Variants in GNA14 observed in about 807,000 individuals in gnomAD.
GNA14 encodes guanine nucleotide-binding protein subunit alpha-14.
GNA14 carries 50 observed loss-of-function variants against 42.0 expected under a neutral mutation model. The ratio of observed to expected loss-of-function variants is 1.19; its 90% confidence interval spans 0.95 to 1.51. The LOEUF (loss-of-function observed/expected upper bound fraction) is 1.51, where lower values mean the gene tolerates loss of function less well. Among genes scored for constraint, GNA14 ranks in the 40% most tolerant of loss-of-function variants. The pLI is 0.00. For missense variants in GNA14, 473 were observed against 446.2 expected (o/e 1.06, Z -0.54); for synonymous variants, 173 against 163.1 (o/e 1.06, Z -0.46).
chr9:77,483,217 T>A (rs1274238838), intron 2 of GNA14, among the ~76,000 whole-genome samples: 1 of 152,324 alleles, frequency 6.6e-6, no homozygotes, highest in Admixed American at 6.5e-5. Context: ...GATGGTGACG[T>A]ACAGATGGGT....
intron 1 of GNA14, among the ~76,000 whole-genome samples, chr9:77,529,726 T>C (rs980378767): frequency 3.3e-5 from 5 of 152,228 alleles, no homozygotes; most frequent in Non-Finnish European, 7.3e-5. Flanking sequence ...CAAATGTCTA[T>C]GTGCTTGCTT....
At chr9:77,591,945 C>T (rs1422945764) in intron 1 of GNA14, among the ~76,000 whole-genome samples, 3 of 141,742 alleles carry the variant, frequency 2.1e-5, no homozygotes, top group East Asian at 2.1e-4. Context: ...GATGGAGTCT[C>T]GCTCTGTCAC....
rs546626328 is a variant in GNA14, at chr9:77,500,297, C to T, written c.309+28772G>A. 1.0e-3 allele frequency among the ~76,000 whole-genome samples: 152 copies of T among 152,218 alleles called. 1 individual carries two copies. The highest frequency in any genetic ancestry group is 1.8e-3 in the Non-Finnish European group (122 of 68,010). On this transcript the variant is annotated intron_variant, in intron 2 of 6. Transcript: ENST00000341700. The stretch of plus-strand genomic sequence containing the variant: ...CCTCCCAGAGTGCTGGGATTACAGG[C>T]GTGAGCCACTGTGCCCGGCCAATAA...
intron 1 of GNA14, among the ~76,000 whole-genome samples, chr9:77,535,577 A>G (rs1837585622): frequency 1.3e-5 from 2 of 152,060 alleles, no homozygotes; most frequent in Admixed American, 1.3e-4. Flanking sequence ...CAAAAAAGAT[A>G]CTGATTTATG....
intron 1 of GNA14, among the ~76,000 whole-genome samples, chr9:77,617,482 CTT>C (rs1823842094): frequency 6.6e-6 from 1 of 152,146 alleles, no homozygotes; most frequent in Non-Finnish European, 1.5e-5. Flanking sequence ...ACCCCCTTCA[CTT>C]TTATGCTAGT....
At chr9:77,432,513 A>G (rs1214206577) in intron 3 of GNA14, among the ~76,000 whole-genome samples, 3 of 152,144 alleles carry the variant, frequency 2.0e-5, no homozygotes, top group African/African-American at 7.2e-5. Flanking sequence ...AGCCCTTACC[A>G]CAGTGCCTGG....
chr9:77,450,203 T>C (rs72730871), intron 2 of GNA14, among the ~76,000 whole-genome samples: 6,955 of 152,268 alleles, frequency 0.046, 224 homozygotes, highest in South Asian at 0.11. Context: ...GTCTTGACTC[T>C]TGATTTACAA....
At chr9:77,647,085 AC>A (rs1222193114) in intron 1 of GNA14, among the ~76,000 whole-genome samples, 1 of 152,096 alleles carries the variant, frequency 6.6e-6, no homozygotes, top group Non-Finnish European at 1.5e-5. Flanking sequence ...CATGGGCTTC[AC>A]CCCCACAGCT....
chr9:77,487,353 C>T (rs1836679213), intron 2 of GNA14, among the ~76,000 whole-genome samples: 1 of 152,108 alleles, frequency 6.6e-6, no homozygotes, highest in South Asian at 2.1e-4. Flanking sequence ...AATTGCTGTA[C>T]AGAATTTTTA....
At chr9:77,459,064 T>C (rs886608530) in intron 2 of GNA14, among the ~76,000 whole-genome samples, 2 of 151,992 alleles carry the variant, frequency 1.3e-5, no homozygotes, top group East Asian at 1.9e-4. Context: ...TGCCACTGAA[T>C]TGTACACTTA....
At chr9:77,569,433 T>C (rs1823025929) in intron 1 of GNA14, among the ~76,000 whole-genome samples, 1 of 152,136 alleles carries the variant, frequency 6.6e-6, no homozygotes, top group Non-Finnish European at 1.5e-5. Flanking sequence ...GCCAGAACTG[T>C]CCTGCCCAAC....
chr9:77,572,038 G>C (rs1443947025), intron 1 of GNA14, among the ~76,000 whole-genome samples: 1 of 152,142 alleles, frequency 6.6e-6, no homozygotes, highest in East Asian at 1.9e-4. Context: ...AACTGAAAGA[G>C]AGTGGTGGCT....
chr9:77,533,324 C>T (rs568574420), intron 1 of GNA14, among the ~76,000 whole-genome samples: 8 of 152,276 alleles, frequency 5.3e-5, no homozygotes, highest in South Asian at 4.1e-4. Flanking sequence ...GGATTAGAGG[C>T]GTGTGCCACC....
At chr9:77,448,845 A>T (rs543495274) in intron 2 of GNA14, among the ~76,000 whole-genome samples, 10 of 152,324 alleles carry the variant, frequency 6.6e-5, no homozygotes, top group Admixed American at 2.0e-4. Context: ...GGAACTTTTT[A>T]AAAATGTATT....
intron 1 of GNA14, among the ~76,000 whole-genome samples, chr9:77,580,835 A>G (rs1823212065): frequency 6.6e-6 from 1 of 152,234 alleles, no homozygotes; most frequent in Non-Finnish European, 1.5e-5. Flanking sequence ...GTATTGTACC[A>G]GTGCATGCCT....
intron 2 of GNA14, among the ~76,000 whole-genome samples, chr9:77,492,534 G>C (rs755118956): frequency 6.6e-6 from 1 of 151,880 alleles, no homozygotes; most frequent in African/African-American, 2.4e-5. Context: ...ATTACAAACA[G>C]CTACACTCCA....
At chr9:77,605,030 T>C (rs964645156) in intron 1 of GNA14, among the ~76,000 whole-genome samples, 4 of 152,264 alleles carry the variant, frequency 2.6e-5, no homozygotes, top group African/African-American at 9.6e-5. Context: ...AATAGCAGAC[T>C]CTTTGCCTTC....
In GNA14 at chr9:77,643,901, C is replaced by T. The variant is rs148894250; in HGVS notation, c.124+3769G>A. Among the ~76,000 whole-genome samples the T allele has an allele frequency of 1.6e-3, 237 of 152,278 alleles. 1 individual carries two copies. Among genetic ancestry groups the T allele is most frequent in the Non-Finnish European group, 2.9e-3 (195 of 68,024 alleles). On this transcript the variant is annotated intron_variant, in intron 1 of 6. Coordinates refer to ENST00000341700, the MANE Select transcript of GNA14 (RefSeq NM_004297.4). ...GTGATGATAGCTGATACTGAGCACTCACTGCCATCCAAAGCCCAGAGAATT... is the reference window on the plus strand; with the variant it reads ...GTGATGATAGCTGATACTGAGCACTTACTGCCATCCAAAGCCCAGAGAATT...
intron 2 of GNA14, among the ~76,000 whole-genome samples, chr9:77,502,017 A>T (rs1183281134): frequency 6.6e-6 from 1 of 152,104 alleles, no homozygotes; most frequent in Non-Finnish European, 1.5e-5. Context: ...CAGATTGGAT[A>T]ATTTCTAATC....
Sources: gnomAD v4.1 joint callset for allele counts (sites outside exome capture counted in the v4.1 genomes callset) on GRCh38, gnomAD v4.1.1 for gene constraint, MANE v1.5 for transcripts, NCBI Gene and HGNC (gene_info 2026-07-23, HGNC 2026-07-21) for gene names.